Variants in L3MBTL4 observed in about 807,000 individuals in gnomAD.
The protein encoded by L3MBTL4 is L3MBTL histone methyl-lysine binding protein 4.
In L3MBTL4, 70 loss-of-function variants were observed where a neutral mutation model predicts 84.5. The ratio of observed to expected loss-of-function variants is 0.83; its 90% CI spans 0.68 to 1.01. The LOEUF (loss-of-function observed/expected upper bound fraction) is 1.01. L3MBTL4 is among the 50% of genes least tolerant of loss of function. L3MBTL4 has a pLI of 0.00. For missense variants in L3MBTL4, 715 were observed against 754.8 expected, an observed-to-expected ratio of 0.95 and a Z score of 0.62; for synonymous variants, 274 against 259.8, an observed-to-expected ratio of 1.05 and a Z score of -0.52.
intron 1 of L3MBTL4, among the ~76,000 whole-genome samples, chr18:6,330,603 C>A (rs1000973633): frequency 2.0e-5 from 3 of 152,224 alleles, no homozygotes; most frequent in Non-Finnish European, 2.9e-5. Context: ...GATCAGCAAC[C>A]TTCATTTCAT....
chr18:6,206,109 G>T lies in L3MBTL4; in HGVS notation c.981+7040C>A, dbSNP rs79858903. Among the ~76,000 whole-genome samples, 806 of 152,284 alleles carry T rather than the reference G, an allele frequency of 5.3e-3. 8 individuals carry two copies. Among genetic ancestry groups the T allele is most frequent in the African/African-American group, 0.019 (783 of 41,548 alleles). ...GCAAATATAAAGCTTTGAATGAAGG[G>T]CCAAGAGTATGCAGAACGAAGAATC... On this transcript the variant is annotated intron_variant, in intron 12 of 18. Coordinates refer to ENST00000317931, the MANE Select transcript of L3MBTL4 (RefSeq NM_001330559.2).
intron 12 of L3MBTL4, among the ~76,000 whole-genome samples, chr18:6,189,027 C>T (rs1227807919): frequency 2.6e-5 from 4 of 152,254 alleles, no homozygotes; most frequent in Non-Finnish European, 5.9e-5. Flanking sequence ...TATTCTCTCA[C>T]AGTTCTGGGG....
chr18:5,980,379 T>C (rs145137937), intron 16 of L3MBTL4, among the ~76,000 whole-genome samples: 3 of 151,938 alleles, frequency 2.0e-5, no homozygotes, highest in African/African-American at 7.2e-5. Flanking sequence ...GTACACCATA[T>C]TGTATACTTT....
chr18:6,111,773 T>C (rs2059203137), intron 14 of L3MBTL4, among the ~76,000 whole-genome samples: 1 of 152,202 alleles, frequency 6.6e-6, no homozygotes, highest in African/African-American at 2.4e-5. Context: ...TCTTCAAATA[T>C]GGATACATTG....
intron 1 of L3MBTL4, among the ~76,000 whole-genome samples, chr18:6,345,745 TACTC>T (rs2052866557): frequency 6.6e-6 from 1 of 152,122 alleles, no homozygotes; most frequent in South Asian, 2.1e-4. Flanking sequence ...ATATTCACAC[TACTC>T]AAACTGATCT....
At chr18:5,986,515 A>G (rs1470000512) in intron 16 of L3MBTL4, among the ~76,000 whole-genome samples, 2 of 152,204 alleles carry the variant, frequency 1.3e-5, no homozygotes, top group African/African-American at 4.8e-5. Flanking sequence ...TCTAGCTTGG[A>G]GCTTTCATCT....
chr18:6,217,555 G>A (rs1457628634), intron 10 of L3MBTL4, among the ~76,000 whole-genome samples: 1 of 152,066 alleles, frequency 6.6e-6, no homozygotes, highest in African/African-American at 2.4e-5. Context: ...GTTTCCATTT[G>A]GGAGCTATTA....
intron 16 of L3MBTL4, among the ~76,000 whole-genome samples, chr18:5,977,392 C>T (rs1442283335): frequency 6.6e-6 from 1 of 152,196 alleles, no homozygotes; most frequent in Non-Finnish European, 1.5e-5. Context: ...GAGTCAGCTC[C>T]CTCCCTCCCC....
At chr18:6,226,605 G>A (rs1379395085) in intron 10 of L3MBTL4, among the ~76,000 whole-genome samples, 4 of 152,068 alleles carry the variant, frequency 2.6e-5, no homozygotes, top group Non-Finnish European at 5.9e-5. Flanking sequence ...TGGCAGGAAA[G>A]AAAATGGAAA....
At chr18:5,958,361 C>T (rs952451597) in intron 18 of L3MBTL4, among the ~76,000 whole-genome samples, 11 of 152,030 alleles carry the variant, frequency 7.2e-5, no homozygotes, top group African/African-American at 2.4e-4. Flanking sequence ...CACTTTTTCC[C>T]TCGGAAAAGG....
At position 6,244,575 on chromosome 18, in the gene L3MBTL4, G is replaced by A. The variant is rs1267194534; in HGVS notation, c.233C>T (p.Pro78Leu). The A allele has an allele frequency of 6.2e-7, 1 of 1,611,102 alleles. No homozygotes were observed. The highest frequency in any genetic ancestry group is 1.7e-5 in the Admixed American group (1 of 59,990). ...AATCTGAAAACCATTTTCATGCTCT[G>A]GAAAGGACTGATCCTACAAAATTTC... ...VELFSKDQSF[P>L]EHENGFQIGM... Residue 78 changes from proline (P) to leucine (L), a missense_variant, in exon 6 of 19, where the codon CCA becomes CTA. Coordinates refer to ENST00000317931, the MANE Select transcript of L3MBTL4 (RefSeq NM_001330559.2).
At chr18:6,203,340 G>C (rs473109) in intron 12 of L3MBTL4, among the ~76,000 whole-genome samples, 1 of 152,170 alleles carries the variant, frequency 6.6e-6, no homozygotes. Flanking sequence ...CTCTAACATA[G>C]AGCCTCACAT....
At chr18:6,391,238 T>A (rs1008569373) in intron 1 of L3MBTL4, among the ~76,000 whole-genome samples, 4 of 152,068 alleles carry the variant, frequency 2.6e-5, no homozygotes, top group African/African-American at 9.7e-5. Flanking sequence ...AAAAACCATA[T>A]GATCATCTCA....
rs1219515451 is a variant in L3MBTL4 at position 6,317,030 on chromosome 18, G to T, written c.-90-4974C>A. On this transcript the variant is annotated intron_variant, in intron 1 of 18. Coordinates refer to ENST00000317931, the MANE Select transcript of L3MBTL4 (RefSeq NM_001330559.2). The stretch of plus-strand genomic sequence containing the variant: ...TAAATAAATAAATAAATAAATAAAT[G>T]CACACTGTGGGGAAACAAGATAAGC... Among the ~76,000 whole-genome samples, 5 of 138,232 alleles carry T rather than the reference G, an allele frequency of 3.6e-5. No homozygotes were observed. In the South Asian group the frequency reaches 9.1e-4, roughly 25 times the overall value. 90.7% of individuals were successfully genotyped at this position (138,232 alleles called of 152,430 possible).
intron 4 of L3MBTL4, among the ~76,000 whole-genome samples, chr18:6,299,546 G>A (rs1238536931): frequency 1.3e-5 from 2 of 152,198 alleles, no homozygotes; most frequent in Admixed American, 6.5e-5. Flanking sequence ...TTCATCAGCT[G>A]TAACACGGGC....
chr18:6,063,384 T>C (rs2057299808), intron 16 of L3MBTL4, among the ~76,000 whole-genome samples: 1 of 151,064 alleles, frequency 6.6e-6, no homozygotes, highest in African/African-American at 2.4e-5. Flanking sequence ...AGATACCCAG[T>C]AGTGGAATTG....
At chr18:6,141,284 C>T (rs1020224196) in intron 13 of L3MBTL4, among the ~76,000 whole-genome samples, 1 of 152,088 alleles carries the variant, frequency 6.6e-6, no homozygotes, top group Admixed American at 6.5e-5. Context: ...AGCATTTCCT[C>T]CTCTAGTCAA....
chr18:6,342,857 C>G (rs191614957), intron 1 of L3MBTL4, among the ~76,000 whole-genome samples: 4 of 151,782 alleles, frequency 2.6e-5, no homozygotes, highest in Admixed American at 2.0e-4. Context: ...GCTTTAAGAA[C>G]ACACTTAGGC....
chr18:6,297,707 T>C (rs2050164551), intron 4 of L3MBTL4, among the ~76,000 whole-genome samples: 1 of 152,238 alleles, frequency 6.6e-6, no homozygotes, highest in Non-Finnish European at 1.5e-5. Context: ...TTGGAAAATA[T>C]AGACAATATA....
Sources: gnomAD v4.1 joint callset for allele counts (sites outside exome capture counted in the v4.1 genomes callset) on GRCh38, gnomAD v4.1.1 for gene constraint, MANE v1.5 for transcripts, NCBI Gene and HGNC (gene_info 2026-07-23, HGNC 2026-07-21) for gene names.